The following NR6A1 variants were observed in gnomAD, a reference collection of about 807,000 sequenced individuals.
NR6A1 encodes the protein retinoic acid receptor-related testis-associated receptor.
In NR6A1, 7 loss-of-function variants were observed where a neutral mutation model predicts 59.1. The ratio of observed to expected loss-of-function variants is 0.12; its 90% CI spans 0.07 to 0.22. The LOEUF is 0.22. NR6A1 is among the 10% of genes least tolerant of loss of function. The pLI, the probability that NR6A1 is intolerant of heterozygous loss-of-function variation, is 1.00. For synonymous variants in NR6A1, 243 were observed against 236.1 expected (o/e 1.03, Z -0.27); for missense variants, 468 against 611.6 (o/e 0.77, Z 2.48).
Position 124,687,859 on chromosome 9 carries a change from G to A in NR6A1, c.142+45449C>T, listed in dbSNP as rs77531437. 7.6e-4 allele frequency among the ~76,000 whole-genome samples: 116 copies of A among 152,272 alleles called. No homozygotes were observed. The East Asian group carries it at 0.018, about 23-fold the overall frequency. ...CATTTGACAATTTCTTTTAGAAGAG[G>A]ATCTGTTCCAAGACTCCCAGCAGAC... On this transcript the variant is annotated intron_variant, in intron 2 of 9. Coordinates refer to ENST00000487099, the MANE Select transcript of NR6A1 (RefSeq NM_033334.4).
At chr9:124,720,922 C>T (rs141772961) in intron 2 of NR6A1, among the ~76,000 whole-genome samples, 2 of 152,248 alleles carry the variant, frequency 1.3e-5, no homozygotes, top group African/African-American at 2.4e-5. Flanking sequence ...GAAGAATTCC[C>T]ATGTATTCCC....
At chr9:124,600,663 A>G (rs1298888558) in intron 2 of NR6A1, among the ~76,000 whole-genome samples, 1 of 152,172 alleles carries the variant, frequency 6.6e-6, no homozygotes, top group East Asian at 1.9e-4. Context: ...CTAACTCACA[A>G]GCAGTGCACA....
chr9:124,591,301 T>C (rs898918964), intron 2 of NR6A1, among the ~76,000 whole-genome samples: 2 of 152,216 alleles, frequency 1.3e-5, no homozygotes, highest in African/African-American at 4.8e-5. Flanking sequence ...TTAATTCCCA[T>C]AGCGGTCCTG....
chr9:124,520,636 T>C lies in NR6A1; in HGVS notation c.*2069A>G, dbSNP rs1832780956. 6.6e-6 allele frequency: 1 copy of C among 152,220 alleles called. No homozygotes were observed. Among genetic ancestry groups the C allele is most frequent in the Non-Finnish European group, 1.5e-5 (1 of 68,052 alleles). 9.4% of individuals were successfully genotyped at this position (152,220 alleles called of 1,614,324 possible). A position where few individuals can be genotyped will look rare whatever the true frequency, so the allele number is the denominator to read the frequency against. On this transcript the variant is annotated 3_prime_UTR_variant, in exon 10 of 10. Coordinates refer to ENST00000487099, the MANE Select transcript of NR6A1 (RefSeq NM_033334.4). Reference sequence around the variant, plus strand: ...AGAACGATGCTGTACACAGGAGCTGTCTTAGAGAAGGCATCTGTGATATGT... The same window carrying C: ...AGAACGATGCTGTACACAGGAGCTGCCTTAGAGAAGGCATCTGTGATATGT...
chr9:124,595,205 C>A (rs1377432534), intron 2 of NR6A1, among the ~76,000 whole-genome samples: 1 of 152,126 alleles, frequency 6.6e-6, no homozygotes, highest in East Asian at 1.9e-4. Context: ...AAAATGTACC[C>A]ATTTAAAAAG....
chr9:124,590,173 T>C (rs370772454), intron 2 of NR6A1, among the ~76,000 whole-genome samples: 15 of 134,856 alleles, frequency 1.1e-4, no homozygotes, highest in African/African-American at 3.9e-4. Flanking sequence ...TAATGGTAAA[T>C]AGGATGCTAA....
At chr9:124,557,637 A>T (rs1257237218) in intron 2 of NR6A1, among the ~76,000 whole-genome samples, 1 of 152,238 alleles carries the variant, frequency 6.6e-6, no homozygotes, top group Non-Finnish European at 1.5e-5. Flanking sequence ...AGCAAATTTT[A>T]AAAATTAAAA....
At chr9:124,609,517 T>C (rs1420549621) in intron 2 of NR6A1, among the ~76,000 whole-genome samples, 2 of 152,220 alleles carry the variant, frequency 1.3e-5, no homozygotes, top group East Asian at 1.9e-4. Context: ...TGTGGCCTTA[T>C]AGTCTAGTTT....
intron 7 of NR6A1, among the ~76,000 whole-genome samples, chr9:124,527,391 G>C (rs928582953): frequency 6.6e-6 from 1 of 152,204 alleles, no homozygotes; most frequent in Admixed American, 6.5e-5. Flanking sequence ...GTATTTGCTT[G>C]TGTTAACTGT....
At chr9:124,687,349 C>G (rs1838370539) in intron 2 of NR6A1, among the ~76,000 whole-genome samples, 1 of 148,124 alleles carries the variant, frequency 6.8e-6, no homozygotes. Flanking sequence ...CTATGTTGCC[C>G]AGGCTGGTCT....
chr9:124,525,546 GGGGTCTCACTACGTTGCTT>G (rs1310519933), intron 8 of NR6A1, among the ~76,000 whole-genome samples: 7 of 152,006 alleles, frequency 4.6e-5, no homozygotes, highest in Non-Finnish European at 8.8e-5. Context: ...CTGTAGAGAT[GGGGTCTCACTACGTTGCTT>G]GGGTTGGTCT....
At chr9:124,584,252 C>T (rs370395436) in intron 2 of NR6A1, among the ~76,000 whole-genome samples, 3 of 151,980 alleles carry the variant, frequency 2.0e-5, no homozygotes, top group East Asian at 3.9e-4. Context: ...GGATTACAGG[C>T]GTATGCCACC....
At chr9:124,621,591 T>C (rs1406729981) in intron 2 of NR6A1, among the ~76,000 whole-genome samples, 8 of 151,936 alleles carry the variant, frequency 5.3e-5, no homozygotes, top group African/African-American at 1.5e-4. Flanking sequence ...GAGGTTGAAG[T>C]TGCAGTGAGC....
At chr9:124,693,755 T>C in intron 2 of NR6A1, 1 of 534,608 alleles carries the variant, frequency 1.9e-6, no homozygotes, top group South Asian at 1.4e-5. Context: ...GGTTTGAGTC[T>C]GAATCAACTC....
intron 2 of NR6A1, among the ~76,000 whole-genome samples, chr9:124,575,083 C>T (rs1334606813): frequency 6.6e-6 from 1 of 152,156 alleles, no homozygotes. Context: ...GAAATATGGG[C>T]TTTCCCTCTT....
intron 2 of NR6A1, among the ~76,000 whole-genome samples, chr9:124,639,354 G>A (rs912659637): frequency 6.6e-6 from 1 of 152,162 alleles, no homozygotes; most frequent in Non-Finnish European, 1.5e-5. Context: ...AGTGTGCCAG[G>A]TCCTATGCTA....
intron 1 of NR6A1, among the ~76,000 whole-genome samples, chr9:124,759,399 G>A (rs1840725878): frequency 6.6e-6 from 1 of 152,146 alleles, no homozygotes; most frequent in Non-Finnish European, 1.5e-5. Flanking sequence ...CTAGTTCCAG[G>A]AGGGCCTATC....
In NR6A1 at chr9:124,666,275, C is replaced by CTTTTT. The variant is rs922378385; in HGVS notation, c.142+67028_142+67032dup. 8.0e-3 allele frequency among the ~76,000 whole-genome samples: 822 copies of CTTTTT among 102,996 alleles called. 57 individuals carry two copies. Among genetic ancestry groups the CTTTTT allele is most frequent in the African/African-American group, 0.034 (779 of 22,962 alleles). 67.6% of individuals were successfully genotyped at this position (102,996 alleles called of 152,430 possible). On this transcript the variant is annotated intron_variant, in intron 2 of 9. Coordinates refer to ENST00000487099, the MANE Select transcript of NR6A1 (RefSeq NM_033334.4). ...TTGGCGGAATTACCTCTATGTGGTT[C>CTTTTT]TTTTTTTTTTTTTTTTTTTTTGAGA...
intron 1 of NR6A1, among the ~76,000 whole-genome samples, chr9:124,742,284 C>T (rs1348649416): frequency 1.3e-5 from 2 of 152,224 alleles, no homozygotes; most frequent in East Asian, 1.9e-4. Context: ...TAAAAGAGGC[C>T]GGGCACGGTG....
Sources: gnomAD v4.1 joint callset for allele counts (sites outside exome capture counted in the v4.1 genomes callset) on GRCh38, gnomAD v4.1.1 for gene constraint, MANE v1.5 for transcripts, NCBI Gene and HGNC (gene_info 2026-07-23, HGNC 2026-07-21) for gene names.